The following RASAL2 variants were observed in gnomAD, a reference collection of about 807,000 sequenced individuals.
The protein encoded by RASAL2 is RAS protein activator like 2.
In RASAL2, 58 loss-of-function variants were observed where a neutral mutation model predicts 128.9. The ratio of observed to expected loss-of-function variants is 0.45; its 90% confidence interval spans 0.36 to 0.56. The LOEUF (loss-of-function observed/expected upper bound fraction) is 0.56. Among genes scored for constraint, RASAL2 ranks in the 20% least tolerant of loss-of-function variants. The probability of loss-of-function intolerance (pLI) is 0.00; values close to 1 mark genes in which losing one functional copy is unlikely to be tolerated. For missense variants in RASAL2, 1,360 were observed against 1,601.6 expected (o/e 0.85, Z 2.57); for synonymous variants, 561 against 580.8 (o/e 0.97, Z 0.49).
chr1:178,107,296 G>T (rs886140708), intron 1 of RASAL2, among the ~76,000 whole-genome samples: 13 of 151,964 alleles, frequency 8.6e-5, no homozygotes, highest in African/African-American at 3.1e-4. Flanking sequence ...AAGCATTTTT[G>T]TGCTTTTCTA....
At chr1:178,250,540 C>T (rs899659950) in intron 1 of RASAL2, among the ~76,000 whole-genome samples, 1 of 152,192 alleles carries the variant, frequency 6.6e-6, no homozygotes, top group East Asian at 1.9e-4. Flanking sequence ...TGATCGAGAC[C>T]ACTTGGCTCC....
chr1:178,320,384 C>A (rs1236042676), intron 3 of RASAL2, among the ~76,000 whole-genome samples: 2 of 152,204 alleles, frequency 1.3e-5, no homozygotes, highest in Non-Finnish European at 2.9e-5. Context: ...TGGGCACCCT[C>A]CCCCAGCCTC....
chr1:178,325,659 T>C (rs1331317426), intron 3 of RASAL2, among the ~76,000 whole-genome samples: 1 of 152,178 alleles, frequency 6.6e-6, no homozygotes, highest in Non-Finnish European at 1.5e-5. Flanking sequence ...AGTTTCATAG[T>C]GGTAGATAGG....
At chr1:178,237,806 A>AT (rs1664320640) in intron 1 of RASAL2, among the ~76,000 whole-genome samples, 1 of 152,164 alleles carries the variant, frequency 6.6e-6, no homozygotes, top group Non-Finnish European at 1.5e-5. Context: ...TTGTTCAACC[A>AT]TCACCATCAT....
chr1:178,283,740 TC>T, intron 2 of RASAL2, 49 bp downstream of exon 2: 12 of 1,596,698 alleles, frequency 7.5e-6, no homozygotes, highest in Non-Finnish European at 7.7e-6. Context: ...CTGAGTAAAT[TC>T]CTGAAATTAC....
intron 1 of RASAL2, among the ~76,000 whole-genome samples, chr1:178,223,778 G>A (rs893557106): frequency 6.6e-6 from 1 of 152,072 alleles, no homozygotes; most frequent in Non-Finnish European, 1.5e-5. Context: ...ATGGTGAGAA[G>A]TAGATAGGTT....
intron 1 of RASAL2, among the ~76,000 whole-genome samples, chr1:178,102,482 G>A (rs1318413902): frequency 6.6e-6 from 1 of 152,030 alleles, no homozygotes; most frequent in African/African-American, 2.4e-5. Flanking sequence ...TCAGCCTCCC[G>A]AATAACTGGG....
At chr1:178,121,766 A>G (rs916381821) in intron 1 of RASAL2, among the ~76,000 whole-genome samples, 2 of 152,136 alleles carry the variant, frequency 1.3e-5, no homozygotes, top group African/African-American at 4.8e-5. Context: ...GATTACAGGC[A>G]TGAGCCACCA....
In RASAL2 at chr1:178,478,827, A is replaced by G. The variant is rs1205639045; in HGVS notation, c.*5588A>G. On this transcript the variant is annotated 3_prime_UTR_variant, in exon 18 of 18. Coordinates refer to ENST00000367649, the MANE Select transcript of RASAL2 (RefSeq NM_170692.4). ...TTTTATTGATATTCCTACAAAGAATACAAATAAACTTTAACTTTAAACATT... is the reference window on the plus strand; with the variant it reads ...TTTTATTGATATTCCTACAAAGAATGCAAATAAACTTTAACTTTAAACATT... 2 of 152,228 alleles carry G rather than the reference A, an allele frequency of 1.3e-5. No homozygotes were observed. The highest frequency in any genetic ancestry group is 2.9e-5 in the Non-Finnish European group (2 of 68,032). The allele number at this position is 152,228 out of a possible 1,614,324, so 9.4% of individuals were successfully genotyped here. A position where few individuals can be genotyped will look rare whatever the true frequency, so the allele number is the denominator to read the frequency against.
At chr1:178,187,040 T>C (rs1662328156) in intron 1 of RASAL2, among the ~76,000 whole-genome samples, 1 of 152,012 alleles carries the variant, frequency 6.6e-6, no homozygotes. Flanking sequence ...GTTGCCCAGG[T>C]TGGTCTCGAA....
At chr1:178,256,822 C>T (rs1382204579) in intron 1 of RASAL2, among the ~76,000 whole-genome samples, 5 of 151,948 alleles carry the variant, frequency 3.3e-5, no homozygotes, top group East Asian at 1.9e-4. Context: ...TACAAGCATA[C>T]GCCACCATGC....
chr1:178,203,850 A>G (rs1662954252), intron 1 of RASAL2, among the ~76,000 whole-genome samples: 1 of 152,202 alleles, frequency 6.6e-6, no homozygotes, highest in Non-Finnish European at 1.5e-5. Context: ...ATCTCTTAGT[A>G]TTACCATACT....
intron 4 of RASAL2, among the ~76,000 whole-genome samples, chr1:178,406,277 A>G (rs1221221860): frequency 6.6e-6 from 1 of 152,252 alleles, no homozygotes; most frequent in Non-Finnish European, 1.5e-5. Context: ...CAAACTGTAC[A>G]TGCAACAGCA....
intron 1 of RASAL2, among the ~76,000 whole-genome samples, chr1:178,251,153 T>C (rs1378376466): frequency 6.6e-6 from 1 of 152,222 alleles, no homozygotes. Flanking sequence ...GGTTAACCTT[T>C]TCGTGTCTAA....
chr1:178,109,686 A>G (rs906462409), intron 1 of RASAL2, among the ~76,000 whole-genome samples: 10 of 152,136 alleles, frequency 6.6e-5, no homozygotes, highest in African/African-American at 2.4e-4. Flanking sequence ...TGGGAAGTGA[A>G]TTACAGTATT....
At chr1:178,374,538 A>G (rs189956816) in intron 3 of RASAL2, among the ~76,000 whole-genome samples, 174 of 152,282 alleles carry the variant, frequency 1.1e-3, no homozygotes, top group South Asian at 4.6e-3. Context: ...GGCCTTCCCA[A>G]TAACGTAGCT....
Position 178,132,500 on chromosome 1 carries a change from G to A in RASAL2, c.202+37806G>A, listed in dbSNP as rs1244750222. 3.3e-5 allele frequency among the ~76,000 whole-genome samples: 5 copies of A among 152,192 alleles called. No homozygotes were observed. In the South Asian group the frequency reaches 1.0e-3, roughly 32 times the overall value. On this transcript the variant is annotated intron_variant, in intron 1 of 17. Coordinates refer to ENST00000367649, the MANE Select transcript of RASAL2 (RefSeq NM_170692.4). The stretch of plus-strand genomic sequence containing the variant: ...TAGTTTCTAATCTAGAAGTGAATAG[G>A]ATCATATATGAGGAGAACATAAATC...
chr1:178,215,183 C>A (rs568711787), intron 1 of RASAL2, among the ~76,000 whole-genome samples: 72 of 152,306 alleles, frequency 4.7e-4, no homozygotes, highest in African/African-American at 1.7e-3. Flanking sequence ...TAGGTGCTCA[C>A]CAAATCTGCT....
chr1:178,107,150 G>A (rs1220890752), intron 1 of RASAL2, among the ~76,000 whole-genome samples: 2 of 152,100 alleles, frequency 1.3e-5, no homozygotes, highest in East Asian at 1.9e-4. Context: ...GAAAAAGTTA[G>A]TGACTCCTAA....
Sources: allele counts gnomAD v4.1 joint callset (sites outside exome capture counted in the v4.1 genomes callset), GRCh38; gene constraint gnomAD v4.1.1; transcripts MANE v1.5; gene names NCBI Gene and HGNC (gene_info 2026-07-23, HGNC 2026-07-21).